VRK3: variants seen among roughly 807,000 people sequenced by gnomAD.
VRK3 encodes serine/threonine-protein kinase VRK3.
In VRK3, 50 loss-of-function variants were observed where a neutral mutation model predicts 60.4. That is an observed-to-expected ratio of 0.83 (90% CI 0.66 to 1.05). The LOEUF (loss-of-function observed/expected upper bound fraction) is 1.05, where lower values mean the gene tolerates loss of function less well. VRK3 is among the 50% of genes least tolerant of loss of function. The pLI, the probability that VRK3 is intolerant of heterozygous loss-of-function variation, is 0.00. For synonymous variants in VRK3, 246 were observed against 227.8 expected, an observed-to-expected ratio of 1.08 and a Z score of -0.72; for missense variants, 549 against 585.3, an observed-to-expected ratio of 0.94 and a Z score of 0.64.
chr19:49,985,824 A>C (rs1326616172), intron 12 of VRK3, among the ~76,000 whole-genome samples: 2 of 152,120 alleles, frequency 1.3e-5, no homozygotes, highest in Non-Finnish European at 2.9e-5. Context: ...TCACCTCATA[A>C]GCCTCCTCCA....
chr19:50,003,965 C>A (rs2076852127), intron 5 of VRK3, among the ~76,000 whole-genome samples: 1 of 152,226 alleles, frequency 6.6e-6, no homozygotes, highest in Non-Finnish European at 1.5e-5. Flanking sequence ...CTTTGGGAGG[C>A]AGAGGCAGGA....
intron 10 of VRK3, among the ~76,000 whole-genome samples, chr19:49,991,788 C>A (rs1189637889): frequency 6.6e-6 from 1 of 152,166 alleles, no homozygotes; most frequent in Non-Finnish European, 1.5e-5. Flanking sequence ...GCCGGCTTCC[C>A]AATGACAGGG....
intron 6 of VRK3, chr19:49,998,518 A>G (rs1416195973): frequency 6.6e-6 from 1 of 151,782 alleles, no homozygotes; most frequent in Non-Finnish European, 1.5e-5. Flanking sequence ...TTAATTAAAC[A>G]CAACTCATGC....
At chr19:49,981,523 C>T (rs8112708) in intron 12 of VRK3, 6,111 of 263,124 alleles carry the variant, frequency 0.023, 97 homozygotes, top group Middle Eastern at 0.039. Context: ...CCAGCCTGGG[C>T]GACAGAGAGA....
chr19:49,988,864 G>A (rs533736115), intron 11 of VRK3, among the ~76,000 whole-genome samples: 13 of 152,280 alleles, frequency 8.5e-5, no homozygotes, highest in Non-Finnish European at 1.3e-4. Context: ...CAGCTATAGC[G>A]TGCGACTACC....
intron 11 of VRK3, among the ~76,000 whole-genome samples, chr19:49,989,061 T>A (rs1010161427): frequency 1.3e-5 from 2 of 152,310 alleles, no homozygotes; most frequent in South Asian, 4.1e-4. Context: ...CGTGCTGGCC[T>A]TCCACCACCC....
intron 3 of VRK3, 139 bp downstream of exon 3, chr19:50,015,885 G>A: frequency 9.1e-7 from 1 of 1,096,864 alleles, no homozygotes; most frequent in South Asian, 1.5e-5. Flanking sequence ...GTAGACAGAG[G>A]GGTCCAGTCC....
intron 6 of VRK3, 121 bp from the exon 7 acceptor site, chr19:49,997,691 G>A (rs993201670): frequency 7.6e-6 from 8 of 1,054,784 alleles, no homozygotes; most frequent in Non-Finnish European, 9.7e-6. Context: ...TCCCCACATC[G>A]GAGCCAAATT....
rs565591754 is a variant in VRK3, at chr19:49,990,734, C to T, written c.964-963G>A. On this transcript the variant is annotated intron_variant, in intron 10 of 14. Coordinates refer to ENST00000316763, the MANE Select transcript of VRK3 (RefSeq NM_016440.4). ...TATGTAAGACCTATATACACTTCCCCGGCTCCCTGTTTTTCTGTTTACAGT... is the reference window on the plus strand; with the variant it reads ...TATGTAAGACCTATATACACTTCCCTGGCTCCCTGTTTTTCTGTTTACAGT... 3.5e-4 allele frequency among the ~76,000 whole-genome samples: 53 copies of T among 152,086 alleles called. No homozygotes were observed. The South Asian group carries it at 8.9e-3, about 26-fold the overall frequency.
rs1165319329 is a variant in VRK3 at position 50,007,767 on chromosome 19, G to A, written c.349C>T (p.Gln117Ter). ...TTCTGAGGGCTACCCCTGGTCACCT[G>A]AGGGCTCTTCCTGGTCTTCTGAGGG... ...SSPQKTRKSP[Q>*]VTRGSPQKTS... Residue 117 changes from glutamine to a stop codon, truncating the protein, a stop_gained, in exon 5 of 15, where the codon CAG becomes TAG. Coordinates refer to ENST00000316763, the MANE Select transcript of VRK3 (RefSeq NM_016440.4). LOFTEE classifies it high-confidence loss of function. The A allele has an allele frequency of 1.9e-6, 3 of 1,614,108 alleles. No homozygotes were observed. The highest frequency in any genetic ancestry group is 1.7e-6 in the Non-Finnish European group (2 of 1,180,032).
chr19:49,993,238 A>C (rs2076642752), intron 9 of VRK3, among the ~76,000 whole-genome samples: 1 of 152,192 alleles, frequency 6.6e-6, no homozygotes, highest in South Asian at 2.1e-4. Flanking sequence ...GCAGAGGGAA[A>C]AGGGGTTAAT....
chr19:49,982,805 C>T (rs2076446254), intron 12 of VRK3, among the ~76,000 whole-genome samples: 1 of 152,160 alleles, frequency 6.6e-6, no homozygotes, highest in African/African-American at 2.4e-5. Context: ...CACGTGCAAC[C>T]GTTTGTTCAG....
In VRK3 at chr19:49,989,682, CT is replaced by C. The variant is rs2076576989; in HGVS notation, c.1052del (p.Glu351GlyfsTer31). 1 of 1,613,794 alleles carries C rather than the reference CT, an allele frequency of 6.2e-7. No individual in the cohort carries two copies. Among genetic ancestry groups the C allele is most frequent in the Non-Finnish European group, 8.5e-7 (1 of 1,179,854 alleles). ...AYVEGSRSPH[E>X]GDLEFISMDL... ...CCATGCTAATGAACTCAAGGTCCCC[CT>C]CGTGAGGGCTCCTGCTGCCTTCCAC... On this transcript the variant is annotated frameshift_variant, in exon 11 of 15. Coordinates refer to ENST00000316763, the MANE Select transcript of VRK3 (RefSeq NM_016440.4). LOFTEE classifies it high-confidence loss of function.
rs530454225 is a variant in VRK3, at chr19:49,983,471, C to A, written c.1218-2458G>T. 5.1e-4 allele frequency among the ~76,000 whole-genome samples: 78 copies of A among 152,274 alleles called. No individual in the cohort carries two copies. The South Asian group carries it at 7.2e-3, about 14-fold the overall frequency. On this transcript the variant is annotated intron_variant, in intron 12 of 14. Coordinates refer to ENST00000316763, the MANE Select transcript of VRK3 (RefSeq NM_016440.4). ...CCCATGGCGGCCATTGACATACATG[C>A]GCAGGAAGGCCCGGTTGTGCCATCA...
At chr19:50,005,208 G>C (rs527623959) in intron 5 of VRK3, among the ~76,000 whole-genome samples, 4 of 148,912 alleles carry the variant, frequency 2.7e-5, no homozygotes, top group African/African-American at 1.0e-4. Context: ...AGAGTGCCTG[G>C]GCTGTTTGCT....
At chr19:49,983,992 T>C (rs1441028278) in intron 12 of VRK3, among the ~76,000 whole-genome samples, 1 of 152,210 alleles carries the variant, frequency 6.6e-6, no homozygotes, top group Non-Finnish European at 1.5e-5. Flanking sequence ...TTATCCATGC[T>C]GCTATCATTG....
Position 50,007,729 on chromosome 19 carries a change from G to T in VRK3, c.387C>A (p.Ser129Arg), listed in dbSNP as rs751436385. The change falls in exon 5 of 15, where the codon AGC (serine) becomes AGA (arginine). Residue 129 changes from serine (S) to arginine (R), a missense_variant. Physicochemically the swap from Ser to Arg is moderately radical, Grantham distance 110 (BLOSUM62 -1). Transcript: ENST00000316763. ...GAGGGCTCTGCCTGGTCTTCTGAGG[G>T]CTACAGCTGGTCTTCTGAGGGCTAC... ...TRGSPQKTSC[S>R]PQKTRQSPQT... 5.1e-5 allele frequency: 81 copies of T among 1,583,078 alleles called. No homozygotes were observed. Among genetic ancestry groups the T allele is most frequent in the Admixed American group, 1.2e-4 (7 of 59,862 alleles).
intron 10 of VRK3, among the ~76,000 whole-genome samples, 195 bp from the exon 11 acceptor site, chr19:49,989,966 C>T (rs1423383484): frequency 6.6e-6 from 1 of 152,156 alleles, no homozygotes; most frequent in Non-Finnish European, 1.5e-5. Context: ...TCCTCCCAGC[C>T]CCTAAAACCC....
rs1482406969 is a variant in VRK3, at chr19:49,989,661, GCTAATGAACTCAAGGTCCCC to G, written c.1054_1073del (p.Gly352HisfsTer40). 5.0e-6 allele frequency: 8 copies of G among 1,613,442 alleles called. No individual in the cohort carries two copies. The highest frequency in any genetic ancestry group is 5.9e-6 in the Non-Finnish European group (7 of 1,179,594). ...TACCGCATCCCTTGTGCAGGTCCAT[GCTAATGAACTCAAGGTCCCC>G]CTCGTGAGGGCTCCTGCTGCCTTCC... On this transcript the variant is annotated frameshift_variant, in exon 11 of 15. Coordinates refer to ENST00000316763, the MANE Select transcript of VRK3 (RefSeq NM_016440.4). LOFTEE classifies it high-confidence loss of function.
Sources: gnomAD v4.1 joint callset for allele counts (sites outside exome capture counted in the v4.1 genomes callset) on GRCh38, gnomAD v4.1.1 for gene constraint, MANE v1.5 for transcripts, NCBI Gene and HGNC (gene_info 2026-07-23, HGNC 2026-07-21) for gene names.